The following ROBO1 variants were observed in gnomAD, a reference collection of about 807,000 sequenced individuals.
The protein encoded by ROBO1 is roundabout homolog 1.
A neutral mutation model predicts 195.9 loss-of-function variants in ROBO1; 149 were observed. The ratio of observed to expected loss-of-function variants is 0.76; its 90% CI spans 0.67 to 0.87. The LOEUF (loss-of-function observed/expected upper bound fraction) is 0.87. Ranked by LOEUF, ROBO1 falls within the 40% of genes least tolerant of loss-of-function variation. The pLI, the probability that ROBO1 is intolerant of heterozygous loss-of-function variation, is 0.00. For missense variants in ROBO1, 1,933 were observed against 2,068.3 expected, an observed-to-expected ratio of 0.93 and a Z score of 1.27; for synonymous variants, 816 against 733.2, an observed-to-expected ratio of 1.11 and a Z score of -1.82.
At chr3:79,152,593 G>T (rs543168073) in intron 2 of ROBO1, among the ~76,000 whole-genome samples, 1 of 151,796 alleles carries the variant, frequency 6.6e-6, no homozygotes, top group Middle Eastern at 3.4e-3. Context: ...TTCATTATAC[G>T]CAATGACTAT....
At chr3:79,748,354 C>A (rs567564626) in intron 1 of ROBO1, among the ~76,000 whole-genome samples, 2 of 152,074 alleles carry the variant, frequency 1.3e-5, no homozygotes, top group Non-Finnish European at 2.9e-5. Context: ...TGAATTATAT[C>A]GTAAAACACA....
chr3:78,717,166 T>A (rs777530626), intron 7 of ROBO1, 109 bp downstream of exon 7: 6 of 1,160,748 alleles, frequency 5.2e-6, no homozygotes, highest in Non-Finnish European at 5.9e-6. Flanking sequence ...TGGCCCCTGA[T>A]AGAGGATTCT....
chr3:78,603,236 T>C (rs1703278444), intron 29 of ROBO1, among the ~76,000 whole-genome samples: 1 of 152,158 alleles, frequency 6.6e-6, no homozygotes, highest in Non-Finnish European at 1.5e-5. Context: ...CCACTTTTAT[T>C]ATGTAGTAGT....
intron 2 of ROBO1, among the ~76,000 whole-genome samples, chr3:79,219,357 C>A (rs1356264166): frequency 6.6e-6 from 1 of 151,806 alleles, no homozygotes; most frequent in African/African-American, 2.4e-5. Context: ...TAGTTGCATA[C>A]CGAGGAAGTA....
rs894467645 is a variant in ROBO1 at position 79,597,877 on chromosome 3, G to A, written c.-50-7916C>T. Among the ~76,000 whole-genome samples, 7 of 152,160 alleles carry A rather than the reference G, an allele frequency of 4.6e-5. 1 individual carries two copies. Among genetic ancestry groups the A allele is most frequent in the Admixed American group, 4.6e-4 (7 of 15,268 alleles). ...GTTTAGCAGGAGTTGCAGAAGTAAG[G>A]AAATTGGCAAGATTCTCTAATTTGT... is the stretch of plus-strand genomic sequence containing the variant. On this transcript the variant is annotated intron_variant, in intron 1 of 30. Coordinates refer to ENST00000464233, the MANE Select transcript of ROBO1 (RefSeq NM_002941.4).
At chr3:79,146,210 C>G (rs893338628) in intron 2 of ROBO1, among the ~76,000 whole-genome samples, 3 of 151,928 alleles carry the variant, frequency 2.0e-5, no homozygotes, top group African/African-American at 4.8e-5. Flanking sequence ...ATTGGCCCCA[C>G]CCACACTTCT....
intron 2 of ROBO1, among the ~76,000 whole-genome samples, chr3:79,548,952 C>T (rs1225831538): frequency 6.6e-6 from 1 of 152,114 alleles, no homozygotes; most frequent in Non-Finnish European, 1.5e-5. Context: ...CTCTTCTCCT[C>T]AGTAGAGAAT....
intron 2 of ROBO1, among the ~76,000 whole-genome samples, chr3:79,300,297 G>T (rs192325430): frequency 1.3e-5 from 2 of 152,220 alleles, no homozygotes; most frequent in African/African-American, 4.8e-5. Flanking sequence ...TGGGCTTGGC[G>T]GGTCCTGCAC....
chr3:79,405,166 T>C (rs1486446040), intron 2 of ROBO1, among the ~76,000 whole-genome samples: 1 of 152,126 alleles, frequency 6.6e-6, no homozygotes, highest in African/African-American at 2.4e-5. Context: ...GCATTCTTCA[T>C]AAAAGAAAAT....
intron 3 of ROBO1, among the ~76,000 whole-genome samples, chr3:79,056,712 G>C (rs1023510760): frequency 1.3e-5 from 2 of 152,022 alleles, no homozygotes; most frequent in Non-Finnish European, 1.5e-5. Context: ...GGAATTCATA[G>C]ACGAAAGAAT....
intron 2 of ROBO1, among the ~76,000 whole-genome samples, chr3:79,358,992 A>G (rs2035666089): frequency 6.6e-6 from 1 of 152,036 alleles, no homozygotes; most frequent in Non-Finnish European, 1.5e-5. Context: ...ATAAACGTTC[A>G]TCTATAAATT....
At chr3:79,648,470 GT>G (rs1185445803) in intron 1 of ROBO1, among the ~76,000 whole-genome samples, 1 of 152,074 alleles carries the variant, frequency 6.6e-6, no homozygotes, top group African/African-American at 2.4e-5. Flanking sequence ...ATGAGCGTGA[GT>G]TTGTAGACAT....
intron 4 of ROBO1, among the ~76,000 whole-genome samples, chr3:78,889,950 C>G (rs1408701481): frequency 2.0e-5 from 3 of 152,082 alleles, no homozygotes; most frequent in Non-Finnish European, 4.4e-5. Flanking sequence ...AAATGTCACT[C>G]TCTCAGCGAG....
At chr3:79,560,535 T>TATATATATATA in intron 2 of ROBO1, among the ~76,000 whole-genome samples, 1 of 115,218 alleles carries the variant, frequency 8.7e-6, no homozygotes, top group South Asian at 2.8e-4. Context: ...ATAATAATAA[T>TATATATATATA]TATATATATA....
chr3:78,875,172 T>C (rs144851719), intron 4 of ROBO1, among the ~76,000 whole-genome samples: 1 of 152,168 alleles, frequency 6.6e-6, no homozygotes, highest in East Asian at 1.9e-4. Flanking sequence ...GTCTTCAGTC[T>C]GTACACAAAT....
chr3:78,698,990 T>C (rs1452987018), intron 8 of ROBO1, among the ~76,000 whole-genome samples: 2 of 152,148 alleles, frequency 1.3e-5, no homozygotes, highest in Non-Finnish European at 2.9e-5. Context: ...CCAACACATA[T>C]CTTAGGACTA....
intron 2 of ROBO1, among the ~76,000 whole-genome samples, chr3:79,164,903 C>T (rs1365771472): frequency 2.0e-5 from 3 of 152,166 alleles, no homozygotes; most frequent in Non-Finnish European, 4.4e-5. Flanking sequence ...CTGCATTTTT[C>T]TCAAATATTA....
intron 2 of ROBO1, among the ~76,000 whole-genome samples, chr3:79,356,519 C>T (rs1014761513): frequency 6.6e-6 from 1 of 152,098 alleles, no homozygotes; most frequent in Non-Finnish European, 1.5e-5. Context: ...ATGTAAGATG[C>T]TTTGATTACA....
rs970238717 is a variant in ROBO1 at position 78,633,439 on chromosome 3, A to G, written c.3481+496T>C. 2.0e-5 allele frequency among the ~76,000 whole-genome samples: 3 copies of G among 152,144 alleles called. No homozygotes were observed. The South Asian group carries it at 6.2e-4, about 31-fold the overall frequency. ...GGGAGGTTGCTTTACGAGGCTTCAG[A>G]GCAAGAACTGAGGGATCGTAGAGGG... On this transcript the variant is annotated intron_variant, in intron 24 of 30. Transcript: ENST00000464233.
Sources: allele counts gnomAD v4.1 joint callset (sites outside exome capture counted in the v4.1 genomes callset), GRCh38; gene constraint gnomAD v4.1.1; transcripts MANE v1.5; gene names NCBI Gene and HGNC (gene_info 2026-07-23, HGNC 2026-07-21).